Variants in ECT2 observed in about 807,000 individuals in gnomAD.
ECT2 encodes protein ECT2.
Under a neutral mutation model 116.9 loss-of-function variants are expected in ECT2, and 61 were observed. That is an observed-to-expected ratio of 0.52 (90% CI 0.42 to 0.65). The LOEUF is 0.65. ECT2 is among the 30% of genes least tolerant of loss of function. ECT2 has a pLI of 0.00. For synonymous variants in ECT2, 358 were observed against 346.4 expected, an observed-to-expected ratio of 1.03 and a Z score of -0.37; for missense variants, 937 against 1,078.7, an observed-to-expected ratio of 0.87 and a Z score of 1.84.
chr3:172,762,391 T>G, intron 8 of ECT2, 25 bp from the exon 9 acceptor site: 1 of 1,584,558 alleles, frequency 6.3e-7, no homozygotes, highest in Non-Finnish European at 8.5e-7. Context: ...TAAACTGGTT[T>G]TGGAAGAGTG....
At chr3:172,769,985 T>C (rs1225384682) in intron 13 of ECT2, among the ~76,000 whole-genome samples, 1 of 152,210 alleles carries the variant, frequency 6.6e-6, no homozygotes, top group African/African-American at 2.4e-5. Context: ...TAAGGGCCAA[T>C]TTAATAGCCT....
intron 18 of ECT2, among the ~76,000 whole-genome samples, chr3:172,802,239 G>A (rs757044371): frequency 5.9e-5 from 9 of 151,866 alleles, no homozygotes; most frequent in South Asian, 2.1e-4. Context: ...CTCAGCCGCC[G>A]AGTAGCTGGG....
chr3:172,762,825 A>G lies in ECT2; in HGVS notation c.1005+19A>G. The G allele has an allele frequency of 6.2e-7, 1 of 1,609,638 alleles. No individual in the cohort carries two copies. Among genetic ancestry groups the G allele is most frequent in the Non-Finnish European group, 8.5e-7 (1 of 1,178,268 alleles). On this transcript the variant is annotated intron_variant, in intron 10 of 24. Coordinates refer to ENST00000392692, the MANE Select transcript of ECT2 (RefSeq NM_001258315.2). Reference sequence around the variant, plus strand: ...GCAAGAGGCAAGTAATTCTAGAATGAGGTTGGTTTTTAAAAACACTATTAA... The same window carrying G: ...GCAAGAGGCAAGTAATTCTAGAATGGGGTTGGTTTTTAAAAACACTATTAA...
chr3:172,788,187 T>A (rs1723952110), intron 18 of ECT2, among the ~76,000 whole-genome samples: 1 of 152,192 alleles, frequency 6.6e-6, no homozygotes, highest in African/African-American at 2.4e-5. Context: ...ATGCTTATTA[T>A]GGTTGATTAA....
At chr3:172,802,796 T>C in intron 19 of ECT2, 65 bp from the exon 20 acceptor site, 1 of 1,550,874 alleles carries the variant, frequency 6.4e-7, no homozygotes. Context: ...TTCTTTTAAA[T>C]TACAACTTCT....
At chr3:172,778,308 A>G (rs1444899101) in intron 14 of ECT2, among the ~76,000 whole-genome samples, 1 of 152,174 alleles carries the variant, frequency 6.6e-6, no homozygotes, top group Non-Finnish European at 1.5e-5. Flanking sequence ...ATTATAGACA[A>G]GGAGGAGGAA....
At chr3:172,778,486 CTGAGTTT>C (rs2108607829) in intron 14 of ECT2, among the ~76,000 whole-genome samples, 1 of 151,618 alleles carries the variant, frequency 6.6e-6, no homozygotes, top group South Asian at 2.1e-4. Context: ...TCAGACAATA[CTGAGTTT>C]CAATACTGGT....
chr3:172,774,031 G>A lies in ECT2; in HGVS notation c.1548+9G>A, dbSNP rs372362802. ...TACACACTAAGATAAAGGTAAATTT[G>A]TATATGTTAGATTGGTAGTAATTTT... On this transcript the variant is annotated intron_variant, in intron 14 of 24. Coordinates refer to ENST00000392692, the MANE Select transcript of ECT2 (RefSeq NM_001258315.2). 7 of 1,607,442 alleles carry A rather than the reference G, an allele frequency of 4.4e-6. No homozygotes were observed. Among genetic ancestry groups the A allele is most frequent in the African/African-American group, 2.7e-5 (2 of 74,716 alleles).
chr3:172,762,417 G>C lies in ECT2; in HGVS notation c.760G>C (p.Asp254His). The C allele has an allele frequency of 6.3e-7, 1 of 1,592,244 alleles. No homozygotes were observed. The highest frequency in any genetic ancestry group is 8.5e-7 in the Non-Finnish European group (1 of 1,174,902). Residue 254 changes from aspartate (D) to histidine (H), a missense_variant and splice_region_variant, in exon 9 of 25, where the codon GAT becomes CAT. By Grantham distance (81) the Asp-to-His change is moderately conservative. Transcript: ENST00000392692. ...TGGAAGAGTGTATTTTGTTTTTAGG[G>C]ATTTCTATGCAGCAGTTGATGACTT... ...YKAWERRNEQ[D>H]FYAAVDDFRN...
intron 1 of ECT2, 150 bp from the exon 2 acceptor site, chr3:172,754,357 CTG>C (rs1716536297): frequency 1.4e-5 from 7 of 514,136 alleles, no homozygotes; most frequent in Admixed American, 7.7e-5. Context: ...GAAAAAGAAA[CTG>C]AGGCTCAGAG....
intron 14 of ECT2, among the ~76,000 whole-genome samples, chr3:172,774,668 A>C (rs1721326943): frequency 6.6e-6 from 1 of 151,718 alleles, no homozygotes; most frequent in Non-Finnish European, 1.5e-5. Context: ...AATTTTTTTA[A>C]AAAAGTTTTT....
chr3:172,814,559 GA>G (rs1196195210), intron 22 of ECT2, among the ~76,000 whole-genome samples: 2 of 152,020 alleles, frequency 1.3e-5, no homozygotes, highest in Non-Finnish European at 2.9e-5. Flanking sequence ...GCTTTCTTCT[GA>G]AAATCCAACC....
chr3:172,795,317 C>G lies in ECT2; in HGVS notation c.1908-7299C>G, dbSNP rs1189311084. 1.3e-4 allele frequency among the ~76,000 whole-genome samples: 15 copies of G among 112,498 alleles called. No individual in the cohort carries two copies. In the Admixed American group the frequency reaches 1.4e-3, roughly 10 times the overall value. The allele number at this position is 112,498 out of a possible 152,430, so 73.8% of individuals were successfully genotyped here. A position where few individuals can be genotyped will look rare whatever the true frequency, so the allele number is the denominator to read the frequency against. On this transcript the variant is annotated intron_variant, in intron 18 of 24. Transcript: ENST00000392692. Reference sequence around the variant, plus strand: ...CTCCAGCCTGGGTGACAGAGTGAGACGCTATCAAAAAAAAAAAAAAAAAAA... The same window carrying G: ...CTCCAGCCTGGGTGACAGAGTGAGAGGCTATCAAAAAAAAAAAAAAAAAAA...
At chr3:172,754,416 C>A in intron 1 of ECT2, 93 bp from the exon 2 acceptor site, 1 of 934,494 alleles carries the variant, frequency 1.1e-6, no homozygotes, top group Non-Finnish European at 1.5e-6. Context: ...GGTAATAATA[C>A]TTTTTATAAA....
intron 18 of ECT2, among the ~76,000 whole-genome samples, chr3:172,792,854 A>G (rs1002555279): frequency 1.3e-5 from 2 of 152,018 alleles, no homozygotes; most frequent in Non-Finnish European, 2.9e-5. Flanking sequence ...AGTAGCTGGG[A>G]CTACAGGTGC....
chr3:172,788,768 A>G (rs1027678129), intron 18 of ECT2, among the ~76,000 whole-genome samples: 2 of 152,226 alleles, frequency 1.3e-5, no homozygotes, highest in Non-Finnish European at 2.9e-5. Flanking sequence ...ATTGTTAAAA[A>G]ATGCTAACAG....
chr3:172,762,851 T>C, intron 10 of ECT2, 45 bp downstream of exon 10: 2 of 1,609,892 alleles, frequency 1.2e-6, no homozygotes, highest in Non-Finnish European at 1.7e-6. Flanking sequence ...ACACTATTAA[T>C]AGCTTCTCTG....
intron 18 of ECT2, among the ~76,000 whole-genome samples, chr3:172,795,466 C>T (rs925601227): frequency 2.6e-5 from 4 of 151,994 alleles, no homozygotes; most frequent in African/African-American, 9.7e-5. Flanking sequence ...AAATGATCTT[C>T]ATGTAATTCT....
intron 16 of ECT2, 75 bp downstream of exon 16, chr3:172,783,984 A>G: frequency 9.3e-7 from 1 of 1,079,224 alleles, no homozygotes. Context: ...GACAAAAATG[A>G]AGTAAATTTT....
Sources: gnomAD v4.1 joint callset for allele counts (sites outside exome capture counted in the v4.1 genomes callset) on GRCh38, gnomAD v4.1.1 for gene constraint, MANE v1.5 for transcripts, NCBI Gene and HGNC (gene_info 2026-07-23, HGNC 2026-07-21) for gene names.